Variants in LMF1 observed in about 807,000 individuals in gnomAD.
LMF1 encodes the protein lipase maturation factor 1, also known as transmembrane protein 112.
A neutral mutation model predicts 60.6 loss-of-function variants in LMF1; 68 were observed. That is an observed-to-expected ratio of 1.12 (90% CI 0.92 to 1.37). LMF1 has a LOEUF of 1.37. Ranked by LOEUF, LMF1 falls within the 40% of genes most tolerant of loss-of-function variation. LMF1 has a pLI of 0.00. For synonymous variants in LMF1, 418 were observed against 324.7 expected (o/e 1.29, Z -3.09); for missense variants, 948 against 767.2 (o/e 1.24, Z -2.78).
chr16:954,314 A>T, intron 2 of LMF1, 43 bp downstream of exon 2: 6 of 1,573,482 alleles, frequency 3.8e-6, no homozygotes, highest in Non-Finnish European at 5.2e-6. Flanking sequence ...GTGCTGAGTG[A>T]CAGCAAGCCC....
At chr16:931,601 T>G in intron 3 of LMF1, 1 of 1,275,044 alleles carries the variant, frequency 7.8e-7, no homozygotes, top group Non-Finnish European at 1.0e-6. Flanking sequence ...TTCCAGTGCC[T>G]TTGGTCTAGG....
intron 3 of LMF1, among the ~76,000 whole-genome samples, chr16:918,963 G>A (rs542701610): frequency 2.6e-5 from 4 of 151,444 alleles, no homozygotes; most frequent in East Asian, 3.9e-4. Context: ...CCCGAGTAGC[G>A]GTGGGACGAG....
chr16:918,828 G>C (rs945689103), intron 3 of LMF1, among the ~76,000 whole-genome samples: 4 of 151,866 alleles, frequency 2.6e-5, no homozygotes, highest in African/African-American at 9.7e-5. Context: ...CTCTCACGCG[G>C]GGCCGGCATC....
In LMF1 at chr16:893,836, G is replaced by A. The variant is rs984016281; in HGVS notation, c.664-764C>T. ...TCTTCCCGCTAACCCTAAAATCACCGCTGAGACACAGATTCACATCCAGCG... is the reference window on the plus strand; with the variant it reads ...TCTTCCCGCTAACCCTAAAATCACCACTGAGACACAGATTCACATCCAGCG... On this transcript the variant is annotated intron_variant, in intron 4 of 10. Transcript: ENST00000262301. Among the ~76,000 whole-genome samples, 5 of 152,054 alleles carry A rather than the reference G, an allele frequency of 3.3e-5. No homozygotes were observed. In the South Asian group the frequency reaches 6.2e-4, roughly 19 times the overall value.
intron 1 of LMF1, among the ~76,000 whole-genome samples, chr16:966,957 T>C (rs907771775): frequency 2.0e-5 from 3 of 152,276 alleles, no homozygotes; most frequent in East Asian, 3.8e-4. Flanking sequence ...ACATATACTA[T>C]GTGACTCTCA....
intron 3 of LMF1, among the ~76,000 whole-genome samples, chr16:915,594 G>T (rs141424963): frequency 8.9e-4 from 136 of 152,210 alleles, no homozygotes; most frequent in Non-Finnish European, 1.7e-3. Flanking sequence ...CTGGGCAGCC[G>T]GCAGCACACT....
At chr16:892,119 G>A (rs1215247218) in intron 5 of LMF1, among the ~76,000 whole-genome samples, 9 of 152,252 alleles carry the variant, frequency 5.9e-5, no homozygotes, top group Non-Finnish European at 1.2e-4. Context: ...CAGAGGCACC[G>A]CGTGAGGACG....
At chr16:951,909 G>C (rs930044184) in intron 2 of LMF1, among the ~76,000 whole-genome samples, 5 of 152,238 alleles carry the variant, frequency 3.3e-5, no homozygotes, top group African/African-American at 1.2e-4. Context: ...TGCGGGGGAG[G>C]TGCGTCACAG....
At chr16:904,069 A>AT in intron 4 of LMF1, 1 of 157,690 alleles carries the variant, frequency 6.3e-6, no homozygotes, top group African/African-American at 4.3e-5. Context: ...TGACCTCTGC[A>AT]CTGCCTGTGG....
chr16:914,758 A>ACTCCCTCCCTCCC (rs2071232073), intron 3 of LMF1, among the ~76,000 whole-genome samples: 1 of 3,750 alleles, frequency 2.7e-4, no homozygotes, highest in Non-Finnish European at 5.0e-4. Context: ...TTGGTGACAC[A>ACTCCCTCCCTCCC]TTCCCTCCCT....
At chr16:960,061 T>G (rs1463498586) in intron 1 of LMF1, among the ~76,000 whole-genome samples, 1 of 152,194 alleles carries the variant, frequency 6.6e-6, no homozygotes, top group Non-Finnish European at 1.5e-5. Context: ...GGCCAGCAGC[T>G]GTGACACCCC....
intron 3 of LMF1, among the ~76,000 whole-genome samples, chr16:927,327 C>T (rs752708016): frequency 5.9e-5 from 9 of 152,226 alleles, no homozygotes; most frequent in Non-Finnish European, 8.8e-5. Context: ...CAGTCATTCA[C>T]GCCCCAGGTG....
intron 3 of LMF1, among the ~76,000 whole-genome samples, chr16:919,078 G>A (rs1175761230): frequency 6.6e-6 from 1 of 152,058 alleles, no homozygotes; most frequent in Non-Finnish European, 1.5e-5. Context: ...TCGGCATGTC[G>A]GCGTGGACTC....
intron 10 of LMF1, among the ~76,000 whole-genome samples, chr16:866,183 G>A (rs917405597): frequency 3.3e-5 from 5 of 152,166 alleles, no homozygotes; most frequent in Non-Finnish European, 5.9e-5. Context: ...ACTGAAAACT[G>A]AACATTTTGT....
At chr16:876,793 T>A (rs1478825164) in intron 6 of LMF1, among the ~76,000 whole-genome samples, 1 of 151,648 alleles carries the variant, frequency 6.6e-6, no homozygotes, top group Non-Finnish European at 1.5e-5. Context: ...CTTCAGTAAG[T>A]TAACATGGCT....
At chr16:904,279 G>C (rs1304043288) in intron 4 of LMF1, among the ~76,000 whole-genome samples, 1 of 123,552 alleles carries the variant, frequency 8.1e-6, no homozygotes, top group Non-Finnish European at 1.6e-5. Flanking sequence ...GCCTGTCTCT[G>C]ATGTGTGGTG....
At chr16:921,205 T>C (rs2151766578) in intron 3 of LMF1, 1 of 152,352 alleles carries the variant, frequency 6.6e-6, no homozygotes, top group South Asian at 2.1e-4. Flanking sequence ...GGATAAGAAG[T>C]CCAGGTAAGT....
chr16:970,645 G>T, intron 1 of LMF1, 143 bp downstream of exon 1: 1 of 748,606 alleles, frequency 1.3e-6, no homozygotes, highest in South Asian at 2.2e-5. Context: ...TGCCCGCCCC[G>T]CCTTGCCCGG....
upstream of LMF1, among the ~76,000 whole-genome samples, chr16:973,797 G>A (rs1288837610): frequency 6.6e-6 from 1 of 152,056 alleles, no homozygotes; most frequent in African/African-American, 2.4e-5. Context: ...TCAGGAGATC[G>A]AGACCATCCT....
Sources: gnomAD v4.1 joint callset for allele counts (sites outside exome capture counted in the v4.1 genomes callset) on GRCh38, gnomAD v4.1.1 for gene constraint, MANE v1.5 for transcripts, NCBI Gene and HGNC (gene_info 2026-07-23, HGNC 2026-07-21) for gene names.